THAP9: variants seen among roughly 807,000 people sequenced by gnomAD.
THAP9 encodes THAP domain containing 9, also known as DNA transposase THAP9.
In THAP9, 20 loss-of-function variants were observed where a neutral mutation model predicts 35.7. The observed-to-expected ratio is 0.56, with a 90% confidence interval of 0.39 to 0.81. The LOEUF is 0.81. THAP9 is among the 40% of genes least tolerant of loss of function. The probability of loss-of-function intolerance (pLI) is 0.00; values close to 1 mark genes in which losing one functional copy is unlikely to be tolerated. For synonymous variants in THAP9, 335 were observed against 373.7 expected, an observed-to-expected ratio of 0.90 and a Z score of 1.19; for missense variants, 870 against 1,047.4, an observed-to-expected ratio of 0.83 and a Z score of 2.34.
chr4:82,912,524 A>G (rs141658549), intron 4 of THAP9, among the ~76,000 whole-genome samples: 83 of 152,322 alleles, frequency 5.4e-4, no homozygotes, highest in African/African-American at 1.9e-3. Context: ...AAGTTATTGT[A>G]TATTGGTTTG....
At position 82,919,667 on chromosome 4, in the gene THAP9, C is replaced by T. The variant is rs1015829499; in HGVS notation, c.*743C>T. ...GTTTGACTTGAAAGAGCTCAATGCT[C>T]ATCGGAAAACAGGGAGAAACCTAAT... On this transcript the variant is annotated 3_prime_UTR_variant, in exon 5 of 5. Transcript: ENST00000302236. The T allele has an allele frequency of 6.6e-6, 1 of 152,188 alleles. No individual in the cohort carries two copies. Among genetic ancestry groups the T allele is most frequent in the African/African-American group, 2.4e-5 (1 of 41,454 alleles). The allele number at this position is 152,188 out of a possible 1,614,324, so 9.4% of individuals were successfully genotyped here. A position where few individuals can be genotyped will look rare whatever the true frequency, so the allele number is the denominator to read the frequency against.
At position 82,917,891 on chromosome 4, in the gene THAP9, C is replaced by A; in HGVS notation, c.1679C>A (p.Thr560Asn). 1 of 1,613,612 alleles carries A rather than the reference C, an allele frequency of 6.2e-7. No homozygotes were observed. Among genetic ancestry groups the A allele is most frequent in the South Asian group, 1.1e-5 (1 of 91,062 alleles). ...AKTIFVTLSD[T>N]SNNQIIKGKQ... ...ACTATTTTTGTTACATTATCTGACACTAGCAATAATCAAATAATTAAAGGT... is the reference window on the plus strand; with the variant it reads ...ACTATTTTTGTTACATTATCTGACAATAGCAATAATCAAATAATTAAAGGT... Residue 560 changes from threonine to asparagine, a missense_variant, in exon 5 of 5, where the codon ACT (threonine) becomes AAT (asparagine). Transcript: ENST00000302236.
At chr4:82,912,332 G>A (rs1003841592) in intron 4 of THAP9, among the ~76,000 whole-genome samples, 3 of 152,104 alleles carry the variant, frequency 2.0e-5, no homozygotes, top group African/African-American at 7.2e-5. Context: ...TATATTCACT[G>A]CAGTTTAGTA....
At chr4:82,910,528 T>C (rs900224931) in intron 4 of THAP9, among the ~76,000 whole-genome samples, 2 of 150,850 alleles carry the variant, frequency 1.3e-5, no homozygotes, top group African/African-American at 4.8e-5. Context: ...TATTTTCTTA[T>C]ATTAATGTAA....
At chr4:82,900,953 G>GCGGGGC (rs1312063241) in intron 1 of THAP9, 71 bp downstream of exon 1, 1 of 1,564,522 alleles carries the variant, frequency 6.4e-7, no homozygotes, top group Non-Finnish European at 8.7e-7. Context: ...GTGGCGTGGG[G>GCGGGGC]CGGGGCCGGG....
chr4:82,902,802 G>A (rs192635600), intron 1 of THAP9, among the ~76,000 whole-genome samples: 31 of 152,290 alleles, frequency 2.0e-4, no homozygotes, highest in Middle Eastern at 3.4e-3. Flanking sequence ...TTGTTCTTAG[G>A]AAAGATCGAA....
rs35402745 is a variant in THAP9, at chr4:82,918,903, C to T, written c.2691C>T (p.Asn897=). The T allele has an allele frequency of 1.6e-3, 2,629 of 1,595,864 alleles. 42 individuals carry two copies. The African/African-American group carries it at 0.029, about 17-fold the overall frequency. Reference sequence around the variant, plus strand: ...GTAAATTCAGGCATTTGCTAAGTAACGATGGATATCCATTCAAATGAGAGA... The same window carrying T: ...GTAAATTCAGGCATTTGCTAAGTAATGATGGATATCCATTCAAATGAGAGA... ...TSSKFRHLLS[N]DGYPFK is the part of the protein sequence containing the mutation. The change falls in exon 5 of 5, where the codon AAC becomes AAT. Residue 897 remains asparagine, a synonymous_variant. Transcript: ENST00000302236.
At chr4:82,902,208 A>T (rs1360239485) in intron 1 of THAP9, among the ~76,000 whole-genome samples, 7 of 143,574 alleles carry the variant, frequency 4.9e-5, no homozygotes, top group Admixed American at 4.4e-4. Context: ...TCCCAGGCTC[A>T]AGTGATCCTC....
At position 82,918,188 on chromosome 4, in the gene THAP9, T is replaced by G; in HGVS notation, c.1976T>G (p.Phe659Cys). 1 of 1,614,200 alleles carries G rather than the reference T, an allele frequency of 6.2e-7. No individual in the cohort carries two copies. Among genetic ancestry groups the G allele is most frequent in the Non-Finnish European group, 8.5e-7 (1 of 1,180,002 alleles). ...GTTTTTCTAAGCAAAGTAAGCATCTTTGACATTTCAATTGCTCGAAGGAAA... is the reference window on the plus strand; with the variant it reads ...GTTTTTCTAAGCAAAGTAAGCATCTGTGACATTTCAATTGCTCGAAGGAAA... The part of the protein sequence containing the change: ...DEVFLSKVSI[F>C]DISIARRKDL... The change falls in exon 5 of 5, where the codon TTT becomes TGT. Residue 659 changes from phenylalanine to cysteine, a missense_variant. By Grantham distance (205) the Phe-to-Cys change is radical. Around this residue, in one of 3 missense-constraint regions of THAP9, gnomAD observed 414 missense variants for 500.8 expected, o/e 0.83. Transcript: ENST00000302236.
intron 2 of THAP9, among the ~76,000 whole-genome samples, chr4:82,905,162 G>T (rs1200633623): frequency 6.6e-6 from 1 of 152,016 alleles, no homozygotes; most frequent in Non-Finnish European, 1.5e-5. Context: ...TATATATAAA[G>T]GTTACTAACC....
intron 2 of THAP9, among the ~76,000 whole-genome samples, chr4:82,905,263 C>G (rs1315350598): frequency 6.6e-6 from 1 of 151,998 alleles, no homozygotes; most frequent in Admixed American, 6.5e-5. Flanking sequence ...TTGAAATTAT[C>G]TATGTTTTTT....
At chr4:82,914,591 T>C (rs1027675113) in intron 4 of THAP9, among the ~76,000 whole-genome samples, 2 of 152,250 alleles carry the variant, frequency 1.3e-5, no homozygotes, top group East Asian at 3.8e-4. Flanking sequence ...GTTGAGCTTT[T>C]TTTCATATGC....
chr4:82,908,651 G>A (rs1315647648), intron 4 of THAP9, among the ~76,000 whole-genome samples: 2 of 152,198 alleles, frequency 1.3e-5, no homozygotes, highest in Non-Finnish European at 1.5e-5. Context: ...GCAGCACAGC[G>A]GCACAATCTC....
At chr4:82,907,670 C>T (rs1488970512) in intron 3 of THAP9, 115 bp from the exon 4 acceptor site, 6 of 780,738 alleles carry the variant, frequency 7.7e-6, no homozygotes, top group East Asian at 2.9e-5. Context: ...AATCAAAATG[C>T]AACTATATTT....
Position 82,900,799 on chromosome 4 carries a change from G to A in THAP9, c.-4G>A. 1 of 1,613,666 alleles carries A rather than the reference G, an allele frequency of 6.2e-7. No individual in the cohort carries two copies. ...CCGAAGGTGGGGCCCCACGTAACAA[G>A]AAGATGACCCGAAGTTGCTCCGCAG... On this transcript the variant is annotated 5_prime_UTR_variant, in exon 1 of 5. Transcript: ENST00000302236.
intron 4 of THAP9, among the ~76,000 whole-genome samples, chr4:82,909,001 G>C (rs1720762914): frequency 6.6e-6 from 1 of 151,872 alleles, no homozygotes; most frequent in African/African-American, 2.4e-5. Flanking sequence ...CCGCCTCCCA[G>C]GTTCGACCCA....
rs1301979327 is a variant in THAP9, at chr4:82,917,014, G to C, written c.802G>C (p.Glu268Gln). Reference protein sequence around the residue: ...NIFSFLQRRVENGDQLYQYCS... With the variant: ...NIFSFLQRRVQNGDQLYQYCS... The stretch of plus-strand genomic sequence containing the variant: ...TTTTTCTTTTCTTCAACGAAGAGTA[G>C]AGAATGGAGATCAGCTCTATCAATA... The change falls in exon 5 of 5, where the codon GAG becomes CAG. Residue 268 changes from glutamate to glutamine, a missense_variant. Transcript: ENST00000302236. The C allele has an allele frequency of 1.9e-6, 3 of 1,582,982 alleles. No homozygotes were observed. Among genetic ancestry groups the C allele is most frequent in the South Asian group, 1.2e-5 (1 of 86,268 alleles).
rs776738300 is a variant in THAP9, at chr4:82,919,150, AG to A, written c.*227del. The A allele has an allele frequency of 3.1e-5, 12 of 392,640 alleles. No homozygotes were observed. Among genetic ancestry groups the A allele is most frequent in the Admixed American group, 8.3e-5 (2 of 24,134 alleles). The allele number at this position is 392,640 out of a possible 1,614,324, so 24.3% of individuals were successfully genotyped here. On this transcript the variant is annotated 3_prime_UTR_variant, in exon 5 of 5. Coordinates refer to ENST00000302236, the MANE Select transcript of THAP9 (RefSeq NM_024672.6). ...ATATAGAAAGCAGTAGGTCAGTAGG[AG>A]CAAACTAGCCAACAGGTACTGTCTT...
rs774105343 is a variant in THAP9 at position 82,918,206 on chromosome 4, G to A, written c.1994G>A (p.Arg665Gln). ...KVSIFDISIA[R>Q]RKDLALWTVQ... ...AGCATCTTTGACATTTCAATTGCTC[G>A]AAGGAAAGACTTGGCGCTTTGGACA... Residue 665 changes from arginine to glutamine, a missense_variant, in exon 5 of 5, where the codon CGA (arginine) becomes CAA (glutamine). Coordinates refer to ENST00000302236, the MANE Select transcript of THAP9 (RefSeq NM_024672.6). 9.9e-6 allele frequency: 16 copies of A among 1,614,034 alleles called. No homozygotes were observed. Among genetic ancestry groups the A allele is most frequent in the Middle Eastern group, 1.6e-4 (1 of 6,084 alleles).
Sources: gnomAD v4.1 joint callset for allele counts (sites outside exome capture counted in the v4.1 genomes callset) on GRCh38, gnomAD v4.1.1 for gene constraint, gnomAD v4.1.1 regional missense constraint, MANE v1.5 for transcripts, NCBI Gene and HGNC (gene_info 2026-07-23, HGNC 2026-07-21) for gene names.